Variants in INTS3 observed in about 807,000 individuals in gnomAD.
INTS3 encodes the protein integrator complex subunit 3.
A neutral mutation model predicts 146.3 loss-of-function variants in INTS3; 34 were observed. The observed-to-expected ratio is 0.23, with a 90% CI of 0.18 to 0.31. INTS3 has a LOEUF of 0.31. Among genes scored for constraint, INTS3 ranks in the 10% least tolerant of loss-of-function variants. The pLI is 1.00. For synonymous variants in INTS3, 475 were observed against 494.9 expected (o/e 0.96, Z 0.53); for missense variants, 757 against 1,304.2 (o/e 0.58, Z 6.46).
At chr1:153,753,197 G>T (rs147604712) in intron 8 of INTS3, among the ~76,000 whole-genome samples, 4 of 152,010 alleles carry the variant, frequency 2.6e-5, no homozygotes, top group Non-Finnish European at 5.9e-5. Context: ...AGACAAACAT[G>T]TGTTACCTCA....
chr1:153,746,169 C>G (rs1479102443), intron 3 of INTS3, among the ~76,000 whole-genome samples: 1 of 152,236 alleles, frequency 6.6e-6, no homozygotes, highest in Admixed American at 6.5e-5. Flanking sequence ...ACTCCCTTTG[C>G]TGTATCTGAC....
rs748219021 is a variant in INTS3, at chr1:153,754,508, C to A, written c.860-134C>A. 6.3e-4 allele frequency: 462 copies of A among 732,460 alleles called. 1 individual carries two copies. The highest frequency in any genetic ancestry group is 9.2e-4 in the Non-Finnish European group (372 of 403,338). 45.4% of individuals were successfully genotyped at this position (732,460 alleles called of 1,614,324 possible). On this transcript the variant is annotated intron_variant, in intron 8 of 29. Coordinates refer to ENST00000318967, the MANE Select transcript of INTS3 (RefSeq NM_023015.5). The stretch of plus-strand genomic sequence containing the variant: ...GAATCCCCACCTGTGCTTGACCTCC[C>A]TTGGTCTTGTCTTGGAATTTCTCCG...
chr1:153,760,255 AAAAGAG>A (rs2101816240), intron 11 of INTS3, 50 bp from the exon 12 acceptor site: 3 of 1,080,076 alleles, frequency 2.8e-6, no homozygotes, highest in African/African-American at 1.6e-5. Context: ...AAAAAAAAAA[AAAAGAG>A]AGAGAGAGAC....
intron 6 of INTS3, among the ~76,000 whole-genome samples, chr1:153,749,797 C>T (rs190082530): frequency 1.3e-5 from 2 of 152,256 alleles, no homozygotes; most frequent in Non-Finnish European, 2.9e-5. Context: ...ATTTCGTTAC[C>T]TTTGCTAGCA....
intron 22 of INTS3, 37 bp from the exon 23 acceptor site, chr1:153,769,732 A>T: frequency 6.9e-7 from 1 of 1,443,454 alleles, no homozygotes; most frequent in Non-Finnish European, 9.8e-7. Flanking sequence ...CCCCTTTCAG[A>T]GCTGATGGGT....
chr1:153,734,001 A>G (rs905624347), intron 1 of INTS3, among the ~76,000 whole-genome samples: 4 of 152,160 alleles, frequency 2.6e-5, no homozygotes, highest in Non-Finnish European at 5.9e-5. Flanking sequence ...AGCTTTGGGT[A>G]TATACTGGGA....
rs1671267538 is a variant in INTS3 at position 153,735,968 on chromosome 1, G to T, written c.151-4683G>T. ...GCTAGTCTTGAACTCCTGGCCTCAG[G>T]TGATCTACCTGCCTCGACCTCCCAA... On this transcript the variant is annotated intron_variant, in intron 1 of 29. Transcript: ENST00000318967. Among the ~76,000 whole-genome samples the T allele has an allele frequency of 2.0e-5, 3 of 152,150 alleles. No homozygotes were observed. In the South Asian group the frequency reaches 6.2e-4, roughly 31 times the overall value.
Position 153,760,886 on chromosome 1 carries a change from C to T in INTS3, c.1377C>T (p.Ser459=). 6.2e-7 allele frequency: 1 copy of T among 1,614,116 alleles called. No homozygotes were observed. Among genetic ancestry groups the T allele is most frequent in the Non-Finnish European group, 8.5e-7 (1 of 1,179,982 alleles). ...ACGTGCGGCAGGGTGTCTTTTCCTC[C>T]CTCAACCACATTGTGGAGAAACGGG... ...EGHVRQGVFS[S]LNHIVEKRVL... Residue 459 remains serine, a synonymous_variant, in exon 13 of 30, where the codon TCC becomes TCT. Coordinates refer to ENST00000318967, the MANE Select transcript of INTS3 (RefSeq NM_023015.5).
intron 26 of INTS3, 31 bp downstream of exon 26, chr1:153,771,994 C>A: frequency 6.3e-7 from 1 of 1,587,870 alleles, no homozygotes; most frequent in South Asian, 1.1e-5. Context: ...ACCCTCCAGG[C>A]CATGGCGGTC....
Position 153,764,605 on chromosome 1 carries a change from G to C in INTS3, c.1926-85G>C. The C allele has an allele frequency of 4.0e-6, 4 of 991,334 alleles. No individual in the cohort carries two copies. In the South Asian group the frequency reaches 5.1e-5, roughly 13 times the overall value. 61.4% of individuals were successfully genotyped at this position (991,334 alleles called of 1,614,324 possible). A position where few individuals can be genotyped will look rare whatever the true frequency, so the allele number is the denominator to read the frequency against. On this transcript the variant is annotated intron_variant, in intron 18 of 29. Transcript: ENST00000318967. Reference sequence around the variant, plus strand: ...TGCCTTTTGGGTAGGGAAGGAGCAGGCTGGTGTCTAGCCTCCAGCTGGTCC... The same window carrying C: ...TGCCTTTTGGGTAGGGAAGGAGCAGCCTGGTGTCTAGCCTCCAGCTGGTCC...
chr1:153,752,499 G>A, intron 8 of INTS3, 91 bp downstream of exon 8: 7 of 1,368,308 alleles, frequency 5.1e-6, no homozygotes, highest in Non-Finnish European at 7.0e-6. Context: ...TTGGTGGGTA[G>A]GAGAGTCTTT....
intron 21 of INTS3, 119 bp from the exon 22 acceptor site, chr1:153,768,774 T>G: frequency 1.3e-6 from 1 of 744,942 alleles, no homozygotes; most frequent in Non-Finnish European, 2.4e-6. Context: ...GGGTTTATTT[T>G]AGGGCCTGTG....
rs189424859 is a variant in INTS3 at position 153,761,645 on chromosome 1, G to A, written c.1485G>A (p.Glu495=). The change falls in exon 14 of 30, where the codon GAG becomes GAA. Residue 495 remains glutamate (E), a synonymous_variant. Coordinates refer to ENST00000318967, the MANE Select transcript of INTS3 (RefSeq NM_023015.5). The part of the protein sequence containing the change: ...LRAMLREKFP[E]FCSSPSPPVE... ...CAATGCTGAGAGAGAAGTTTCCTGA[G>A]TTCTGCAGCTCACCCTCCCCACCTG... 3 of 1,614,040 alleles carry A rather than the reference G, an allele frequency of 1.9e-6. No homozygotes were observed. In the Admixed American group the frequency reaches 5.0e-5, roughly 27 times the overall value.
In INTS3 at chr1:153,759,618, G is replaced by A; in HGVS notation, c.1237+5G>A. ...AGGATAGCATTATGAACATAGGTAT[G>A]TGACCAAGACCAGGCGGCTCCACTT... is the stretch of plus-strand genomic sequence containing the variant. On this transcript the variant is annotated splice_donor_5th_base_variant and intron_variant, in intron 11 of 29. Transcript: ENST00000318967. 2 of 1,597,980 alleles carry A rather than the reference G, an allele frequency of 1.3e-6. No individual in the cohort carries two copies. The highest frequency in any genetic ancestry group is 1.7e-6 in the Non-Finnish European group (2 of 1,165,316).
intron 21 of INTS3, among the ~76,000 whole-genome samples, chr1:153,768,210 A>G (rs1672672453): frequency 6.6e-6 from 1 of 152,070 alleles, no homozygotes; most frequent in Non-Finnish European, 1.5e-5. Flanking sequence ...GTTCCTGATG[A>G]CCAGGGCTTC....
chr1:153,771,856 C>T lies in INTS3; in HGVS notation c.2613C>T (p.Phe871=). 6.2e-7 allele frequency: 1 copy of T among 1,614,100 alleles called. No individual in the cohort carries two copies. The highest frequency in any genetic ancestry group is 1.1e-5 in the South Asian group (1 of 91,080). Residue 871 remains phenylalanine (F), a synonymous_variant, in exon 26 of 30, where the codon TTC becomes TTT. Coordinates refer to ENST00000318967, the MANE Select transcript of INTS3 (RefSeq NM_023015.5). ...LSRPCHPDDQ[F]TTSILRHWCM... is the part of the protein sequence containing the mutation. ...GGCCCTGCCATCCTGACGACCAGTT[C>T]ACCACCAGCATCCTGCGGCACTGGT... is the stretch of plus-strand genomic sequence containing the variant.
intron 3 of INTS3, among the ~76,000 whole-genome samples, chr1:153,745,160 A>AT: frequency 9.2e-6 from 1 of 108,376 alleles, no homozygotes. Context: ...TCCTTGCTGT[A>AT]CTTTTTTTTT....
rs1291107665 is a variant in INTS3 at position 153,773,875 on chromosome 1, C to T, written c.*605C>T. 2 of 168,456 alleles carry T rather than the reference C, an allele frequency of 1.2e-5. No homozygotes were observed. The highest frequency in any genetic ancestry group is 2.9e-5 in the Non-Finnish European group (2 of 68,988). 10.4% of individuals were successfully genotyped at this position (168,456 alleles called of 1,614,324 possible). A position where few individuals can be genotyped will look rare whatever the true frequency, so the allele number is the denominator to read the frequency against. Reference sequence around the variant, plus strand: ...GGTGGCCACAGCCCCACGTGGTGTGCCCTGGAGGCTTAGGTTGGTCTGAGG... The same window carrying T: ...GGTGGCCACAGCCCCACGTGGTGTGTCCTGGAGGCTTAGGTTGGTCTGAGG... On this transcript the variant is annotated 3_prime_UTR_variant, in exon 30 of 30. Transcript: ENST00000318967.
rs1278022456 is a variant in INTS3, at chr1:153,773,174, C to T, written c.3052-19C>T. 2.5e-6 allele frequency: 4 copies of T among 1,613,898 alleles called. No individual in the cohort carries two copies. The highest frequency in any genetic ancestry group is 3.4e-6 in the Non-Finnish European group (4 of 1,179,880). On this transcript the variant is annotated intron_variant, in intron 29 of 29. Coordinates refer to ENST00000318967, the MANE Select transcript of INTS3 (RefSeq NM_023015.5). ...TGCCCAGGCTGTTAACTTCCCATTT[C>T]CCCTCCCATCTCTTCCAGGAAGAGG... is the stretch of plus-strand genomic sequence containing the variant.
Sources: allele counts gnomAD v4.1 joint callset (sites outside exome capture counted in the v4.1 genomes callset), GRCh38; gene constraint gnomAD v4.1.1; transcripts MANE v1.5; gene names NCBI Gene and HGNC (gene_info 2026-07-23, HGNC 2026-07-21).